The following HOOK2 variants were observed in gnomAD, a reference collection of about 807,000 sequenced individuals.
HOOK2 encodes hook microtubule tethering protein 2.
HOOK2 carries 108 observed loss-of-function variants against 111.9 expected under a neutral mutation model. That is an observed-to-expected ratio of 0.96 (90% CI 0.83 to 1.13). HOOK2 has a LOEUF of 1.13. Among genes scored for constraint, HOOK2 ranks in the 50% most tolerant of loss-of-function variants. The pLI is 0.00. For synonymous variants in HOOK2, 405 were observed against 394.3 expected, an observed-to-expected ratio of 1.03 and a Z score of -0.32; for missense variants, 978 against 951.3, an observed-to-expected ratio of 1.03 and a Z score of -0.37.
In HOOK2 at chr19:12,763,392, G is replaced by A. The variant is rs772538975; in HGVS notation, c.2050C>T (p.Pro684Ser). 16 of 1,613,938 alleles carry A rather than the reference G, an allele frequency of 9.9e-6. No individual in the cohort carries two copies. The highest frequency in any genetic ancestry group is 1.3e-5 in the Non-Finnish European group (15 of 1,179,982). ...GCCAGGAATGACTGGGCATGGGCAG[G>A]CGCCCGCTCCTCCCCAGCTCGCTGC... ...LQQRAGEERA[P>S]AHAQSFLAQQ... Residue 684 changes from proline to serine, a missense_variant, in exon 23 of 23, where the codon CCT becomes TCT. This residue lies in a region of HOOK2 where 277 missense variants were observed against 265.8 expected (regional missense o/e 1.04). Coordinates refer to ENST00000397668, the MANE Select transcript of HOOK2 (RefSeq NM_013312.3).
chr19:12,776,326 T>G (rs1968508182), upstream of HOOK2, among the ~76,000 whole-genome samples: 2 of 151,508 alleles, frequency 1.3e-5, no homozygotes, highest in Admixed American at 1.3e-4. Context: ...CCCAGTATTT[T>G]GGGAGGCCTA....
Position 12,766,212 on chromosome 19 carries a change from T to C in HOOK2, c.1402A>G (p.Asn468Asp), listed in dbSNP as rs1442121295. ...RETLLRLQLE[N>D]KRLCRQEAAD... ...GCCTCCTGCCTGCACAGCCGCTTGT[T>C]CTCCAGCTGAAGCCGCAGGAGCGTC... The change falls in exon 15 of 23, where the codon AAC becomes GAC. Residue 468 changes from asparagine to aspartate, a missense_variant. This residue lies in a region of HOOK2 where 388 missense variants were observed against 358.3 expected (regional missense o/e 1.08). Transcript: ENST00000397668. 1 of 1,593,130 alleles carries C rather than the reference T, an allele frequency of 6.3e-7. No individual in the cohort carries two copies. Among genetic ancestry groups the C allele is most frequent in the Middle Eastern group, 2.0e-4 (1 of 5,040 alleles).
chr19:12,771,283 G>T lies in HOOK2; in HGVS notation c.637C>A (p.Gln213Lys). Reference sequence around the variant, plus strand: ...CGCTCCCGCAGCCCTGCATTCTCTTGCGCCAGGCTCTGCTTCTCCTCTGAC... The same window carrying T: ...CGCTCCCGCAGCCCTGCATTCTCTTTCGCCAGGCTCTGCTTCTCCTCTGAC... The part of the protein sequence containing the change: ...LLSEEKQSLA[Q>K]ENAGLRERMG... The change falls in exon 9 of 23, where the codon CAA becomes AAA. Residue 213 changes from glutamine (Q) to lysine (K), a missense_variant. Around this residue, in one of 5 missense-constraint regions of HOOK2, gnomAD observed 301 missense variants for 286.1 expected, o/e 1.05. Transcript: ENST00000397668. 6.2e-7 allele frequency: 1 copy of T among 1,604,022 alleles called. No individual in the cohort carries two copies. The highest frequency in any genetic ancestry group is 1.1e-5 in the South Asian group (1 of 89,448).
At chr19:12,765,508 G>A in intron 18 of HOOK2, 182 bp downstream of exon 18, 2 of 783,950 alleles carry the variant, frequency 2.6e-6, no homozygotes, top group South Asian at 3.3e-5. Flanking sequence ...AGCACTTTGG[G>A]AGGCCAAAGC....
Position 12,763,104 on chromosome 19 carries a change from A to G in HOOK2, c.*178T>C. 1.6e-6 allele frequency: 1 copy of G among 619,346 alleles called. No homozygotes were observed. Among genetic ancestry groups the G allele is most frequent in the South Asian group, 2.2e-5 (1 of 45,220 alleles). The allele number at this position is 619,346 out of a possible 1,614,324, so 38.4% of individuals were successfully genotyped here. A position where few individuals can be genotyped will look rare whatever the true frequency, so the allele number is the denominator to read the frequency against. ...ATCAACAACAAGAATCACATTGCTA[A>G]AAAGAACAGGCCTATATCTACCTCC... On this transcript the variant is annotated 3_prime_UTR_variant, in exon 23 of 23. Coordinates refer to ENST00000397668, the MANE Select transcript of HOOK2 (RefSeq NM_013312.3).
In HOOK2 at chr19:12,766,030, G is replaced by A. The variant is rs774371179; in HGVS notation, c.1512-16C>T. 4 of 1,611,630 alleles carry A rather than the reference G, an allele frequency of 2.5e-6. No individual in the cohort carries two copies. Among genetic ancestry groups the A allele is most frequent in the Non-Finnish European group, 3.4e-6 (4 of 1,179,574 alleles). Reference sequence around the variant, plus strand: ...CTGGTTCAGCCTGCGAGGGTGGGGGGCCGCTTAGTGCCTGTGCCCACTTTT... The same window carrying A: ...CTGGTTCAGCCTGCGAGGGTGGGGGACCGCTTAGTGCCTGTGCCCACTTTT... On this transcript the variant is annotated splice_polypyrimidine_tract_variant and intron_variant, in intron 15 of 22. Coordinates refer to ENST00000397668, the MANE Select transcript of HOOK2 (RefSeq NM_013312.3).
chr19:12,780,023 G>A (rs936172430), upstream of HOOK2, among the ~76,000 whole-genome samples: 2 of 152,082 alleles, frequency 1.3e-5, no homozygotes, highest in Non-Finnish European at 2.9e-5. Context: ...GGTGGTGAGC[G>A]CCTGTAATCC....
chr19:12,765,529 T>C (rs908802627), intron 18 of HOOK2, 161 bp downstream of exon 18: 16 of 959,138 alleles, frequency 1.7e-5, no homozygotes, highest in Middle Eastern at 2.2e-4. Context: ...GGGTGGATCA[T>C]CTGGGGTCAG....
At chr19:12,772,283 C>A (rs369290981) in intron 6 of HOOK2, 31 bp from the exon 7 acceptor site, 2 of 1,608,448 alleles carry the variant, frequency 1.2e-6, no homozygotes, top group Non-Finnish European at 1.7e-6. Context: ...TTGTAATGAA[C>A]TGGATATCTG....
Position 12,771,414 on chromosome 19 carries a change from G to C in HOOK2, c.583C>G (p.Leu195Val). ...EEGDELQQRC[L>V]DLERQLMLLS... ...GGCCCTACCTGCCGCTCCAGATCCA[G>C]ACAGCGCTGCTGTAATTCGTCCCCC... The change falls in exon 8 of 23, where the codon CTG (leucine) becomes GTG (valine). Residue 195 changes from leucine to valine, a missense_variant. Coordinates refer to ENST00000397668, the MANE Select transcript of HOOK2 (RefSeq NM_013312.3). 1.2e-6 allele frequency: 2 copies of C among 1,613,726 alleles called. No individual in the cohort carries two copies. The highest frequency in any genetic ancestry group is 1.7e-6 in the Non-Finnish European group (2 of 1,179,854).
Position 12,769,877 on chromosome 19 carries a change from G to T in HOOK2, c.1104+4C>A. ...CCCCGGCCCTAACCCCGCCCCCGCC[G>T]CACCTGCCGCCGCTGCGCCTCCAGC... On this transcript the variant is annotated splice_donor_region_variant and intron_variant, in intron 11 of 22. Coordinates refer to ENST00000397668, the MANE Select transcript of HOOK2 (RefSeq NM_013312.3). 1.4e-6 allele frequency: 2 copies of T among 1,439,586 alleles called. No homozygotes were observed. The highest frequency in any genetic ancestry group is 5.8e-5 in the East Asian group (2 of 34,300). 89.2% of individuals were successfully genotyped at this position (1,439,586 alleles called of 1,614,324 possible). A position where few individuals can be genotyped will look rare whatever the true frequency, so the allele number is the denominator to read the frequency against.
In HOOK2 at chr19:12,772,480, G is replaced by C. The variant is rs147581718; in HGVS notation, c.456+133C>G. 4.2e-4 allele frequency: 448 copies of C among 1,065,812 alleles called. 3 individuals are homozygous for C. The East Asian group carries it at 0.01, about 24-fold the overall frequency. 66.0% of individuals were successfully genotyped at this position (1,065,812 alleles called of 1,614,324 possible). ...GAGGAGCTGGCAGACACATGAGACA[G>C]AGATGTCTGGCCAGCTGAGTTCCAG... On this transcript the variant is annotated intron_variant, in intron 6 of 22. Transcript: ENST00000397668.
Position 12,772,980 on chromosome 19 carries a change from T to C in HOOK2, c.255+14A>G, listed in dbSNP as rs1968381668. 1 of 1,614,158 alleles carries C rather than the reference T, an allele frequency of 6.2e-7. No individual in the cohort carries two copies. Among genetic ancestry groups the C allele is most frequent in the African/African-American group, 1.3e-5 (1 of 75,050 alleles). On this transcript the variant is annotated intron_variant, in intron 4 of 22. Coordinates refer to ENST00000397668, the MANE Select transcript of HOOK2 (RefSeq NM_013312.3). ...TCCCAACTCAACCCCCTGAATCCCTTTACAGTTACTCACATCCTGGGAGTA... is the reference window on the plus strand; with the variant it reads ...TCCCAACTCAACCCCCTGAATCCCTCTACAGTTACTCACATCCTGGGAGTA...
chr19:12,791,599 T>C lies in HOOK2; in HGVS notation n.42-17374A>G, dbSNP rs1968715773. 2 of 525,364 alleles carry C rather than the reference T, an allele frequency of 3.8e-6. No individual in the cohort carries two copies. Among genetic ancestry groups the C allele is most frequent in the Non-Finnish European group, 6.6e-6 (2 of 303,184 alleles). The allele number at this position is 525,364 out of a possible 1,614,324, so 32.5% of individuals were successfully genotyped here. On this transcript the variant is annotated intron_variant and non_coding_transcript_variant, in intron 3 of 3. Coordinates refer to the HOOK2 transcript ENST00000589765. This position sits in a 1 kb window ranked among gnomAD's most constrained non-coding sequence, Gnocchi z 7.0. ...GAGGGCGACGGGGGCTCGGGAAGCC[T>C]GACAGGGCTTTTGCGCACAGCTGCC...
At chr19:12,774,100 CTTTT>C (rs1446887134) in intron 3 of HOOK2, 2 of 155,216 alleles carry the variant, frequency 1.3e-5, no homozygotes, top group Non-Finnish European at 2.9e-5. Context: ...TTTTCTTTTT[CTTTT>C]TCTTTTTTTC....
chr19:12,765,215 A>C, intron 18 of HOOK2, 134 bp from the exon 19 acceptor site: 1 of 829,070 alleles, frequency 1.2e-6, no homozygotes, highest in South Asian at 1.5e-5. Context: ...CCTGCCCCTC[A>C]TGCCTGGGGC....
chr19:12,775,873 CTTTTTTTT>C (rs775787302), upstream of HOOK2, among the ~76,000 whole-genome samples: 4 of 103,848 alleles, frequency 3.9e-5, no homozygotes, highest in African/African-American at 4.8e-5. Context: ...TAAGTAAATT[CTTTTTTTT>C]TTTTTTTTTT....
At position 12,770,967 on chromosome 19, in the gene HOOK2, C is replaced by T. The variant is rs1179839274; in HGVS notation, c.867G>A (p.Glu289=). The T allele has an allele frequency of 1.9e-6, 3 of 1,609,788 alleles. No homozygotes were observed. The highest frequency in any genetic ancestry group is 2.5e-6 in the Non-Finnish European group (3 of 1,177,822). Residue 289 remains glutamate (E), a synonymous_variant, in exon 10 of 23, where the codon GAG becomes GAA. Transcript: ENST00000397668. ...CCATCTCATCCTTCAGGGCCTGTGC[C>T]TCCTGGGCCAGGCTAGTCAGCGCCT... The part of the protein sequence containing the change: ...RNQALTSLAQ[E]AQALKDEMDE...
chr19:12,763,547 A>G lies in HOOK2; in HGVS notation c.1991T>C (p.Ile664Thr). Residue 664 changes from isoleucine (I) to threonine (T), a missense_variant, in exon 22 of 23, where the codon ATC (isoleucine) becomes ACC (threonine). Ile to Thr is a moderately conservative substitution (Grantham distance 89). Coordinates refer to ENST00000397668, the MANE Select transcript of HOOK2 (RefSeq NM_013312.3). ...SQREQEEKLL[I>T]SAWYNMGMAL... The stretch of plus-strand genomic sequence containing the variant: ...ACTTACCATATTATACCAGGCACTG[A>G]TGAGCAGCTTTTCTTCCTGCTCCCG... The G allele has an allele frequency of 6.2e-7, 1 of 1,614,222 alleles. No individual in the cohort carries two copies. Among genetic ancestry groups the G allele is most frequent in the Non-Finnish European group, 8.5e-7 (1 of 1,180,050 alleles).
Sources: allele counts gnomAD v4.1 joint callset (sites outside exome capture counted in the v4.1 genomes callset), GRCh38; gene constraint gnomAD v4.1.1; regional missense constraint gnomAD v4.1.1; non-coding constraint Gnocchi (gnomAD v3.1); transcripts MANE v1.5; gene names NCBI Gene and HGNC (gene_info 2026-07-23, HGNC 2026-07-21).